Variants in THSD7A observed in about 807,000 individuals in gnomAD.
THSD7A encodes thrombospondin type 1 domain containing 7A.
A neutral mutation model predicts 231.3 loss-of-function variants in THSD7A; 96 were observed. The ratio of observed to expected loss-of-function variants is 0.41; its 90% CI spans 0.35 to 0.49. THSD7A has a LOEUF of 0.49. Among genes scored for constraint, THSD7A ranks in the 20% least tolerant of loss-of-function variants. THSD7A has a pLI of 0.05. For synonymous variants in THSD7A, 940 were observed against 743.3 expected, an observed-to-expected ratio of 1.26 and a Z score of -4.30; for missense variants, 2,290 against 2,070.2, an observed-to-expected ratio of 1.11 and a Z score of -2.06.
In THSD7A at chr7:11,831,789, G is replaced by A. The variant is rs1583326785; in HGVS notation, c.158C>T (p.Ala53Val). 3 of 1,476,546 alleles carry A rather than the reference G, an allele frequency of 2.0e-6. No homozygotes were observed. The highest frequency in any genetic ancestry group is 2.7e-5 in the East Asian group (1 of 36,670). The allele number at this position is 1,476,546 out of a possible 1,614,324, so 91.5% of individuals were successfully genotyped here. The change falls in exon 1 of 28, where the codon GCG becomes GTG. Residue 53 changes from alanine (A) to valine (V), a missense_variant. Transcript: ENST00000423059. This position sits in a 1 kb window ranked among gnomAD's most constrained non-coding sequence, Gnocchi z 5.0. Reference sequence around the variant, plus strand: ...CCACAGATAGAGGGTGGGCGCCTCCGCCTCGCCCTGCGCCGCAGCCCTGCC... The same window carrying A: ...CCACAGATAGAGGGTGGGCGCCTCCACCTCGCCCTGCGCCGCAGCCCTGCC... ...GAGRAAAQGE[A>V]EAPTLYLWKT...
intron 13 of THSD7A, among the ~76,000 whole-genome samples, chr7:11,430,155 A>T (rs545031282): frequency 6.6e-6 from 1 of 152,334 alleles, no homozygotes; most frequent in African/African-American, 2.4e-5. Flanking sequence ...TTTGACAATG[A>T]TTATAATGTA....
At chr7:11,737,468 C>G (rs780380433) in intron 1 of THSD7A, among the ~76,000 whole-genome samples, 18 of 151,962 alleles carry the variant, frequency 1.2e-4, no homozygotes, top group Non-Finnish European at 2.4e-4. Context: ...CATGCCTGTG[C>G]CCCGTCCTAG....
intron 2 of THSD7A, among the ~76,000 whole-genome samples, chr7:11,629,567 C>T (rs1781582182): frequency 6.6e-6 from 1 of 152,148 alleles, no homozygotes; most frequent in Non-Finnish European, 1.5e-5. Flanking sequence ...TTTCTCCTTT[C>T]TCTTTGGTAA....
At chr7:11,688,510 G>C (rs567276889) in intron 1 of THSD7A, among the ~76,000 whole-genome samples, 1 of 151,800 alleles carries the variant, frequency 6.6e-6, no homozygotes, top group African/African-American at 2.4e-5. Context: ...GGAACAAAAG[G>C]ATGTTGTCTT....
At chr7:11,461,010 G>A (rs1230850976) in intron 10 of THSD7A, among the ~76,000 whole-genome samples, 1 of 152,194 alleles carries the variant, frequency 6.6e-6, no homozygotes, top group Non-Finnish European at 1.5e-5. Context: ...GGACTCTACA[G>A]AGAACATTTA....
chr7:11,527,922 G>A (rs1053887427), intron 6 of THSD7A, among the ~76,000 whole-genome samples: 1 of 152,158 alleles, frequency 6.6e-6, no homozygotes, highest in Admixed American at 6.6e-5. Flanking sequence ...AGGAGGCCAA[G>A]TGGGAGGATT....
chr7:11,443,254 T>C (rs1337477335), intron 13 of THSD7A, among the ~76,000 whole-genome samples: 1 of 152,096 alleles, frequency 6.6e-6, no homozygotes, highest in Non-Finnish European at 1.5e-5. Flanking sequence ...CAAACACTTA[T>C]GTGCTGCATT....
intron 6 of THSD7A, among the ~76,000 whole-genome samples, chr7:11,517,255 T>C (rs895772146): frequency 6.6e-6 from 1 of 152,060 alleles, no homozygotes; most frequent in Admixed American, 6.6e-5. Flanking sequence ...AATTTTTGTA[T>C]TTTTAGTAGA....
At chr7:11,796,836 T>A (rs889261885) in intron 1 of THSD7A, among the ~76,000 whole-genome samples, 5 of 152,134 alleles carry the variant, frequency 3.3e-5, no homozygotes, top group Admixed American at 1.3e-4. Context: ...ATGTTAGTCA[T>A]TTACTATCCT....
At chr7:11,520,138 T>C (rs1243785673) in intron 6 of THSD7A, 2 of 152,212 alleles carry the variant, frequency 1.3e-5, no homozygotes, top group South Asian at 4.1e-4. Context: ...AATCTCTAAC[T>C]TTTGAAAATC....
At chr7:11,491,876 C>T (rs544722641) in intron 6 of THSD7A, among the ~76,000 whole-genome samples, 4 of 152,182 alleles carry the variant, frequency 2.6e-5, no homozygotes, top group Admixed American at 2.6e-4. Context: ...TTGCAACGCT[C>T]TTTTTGGGTG....
At chr7:11,462,588 A>G (rs1785547001) in intron 9 of THSD7A, among the ~76,000 whole-genome samples, 1 of 152,138 alleles carries the variant, frequency 6.6e-6, no homozygotes, top group African/African-American at 2.4e-5. Context: ...ATAATGTGAA[A>G]TTTTATTTCT....
rs1407464110 is a variant in THSD7A at position 11,598,857 on chromosome 7, A to G, written c.1023-5355T>C. On this transcript the variant is annotated intron_variant, in intron 2 of 27. Transcript: ENST00000423059. ...AGAGGTCTTAGTTCCAGAGACAGGA[A>G]TGCTGCCACCAGGAGACACAACAAT... 5.9e-5 allele frequency among the ~76,000 whole-genome samples: 9 copies of G among 152,146 alleles called. No individual in the cohort carries two copies. In the South Asian group the frequency reaches 1.7e-3, roughly 28 times the overall value.
chr7:11,739,120 T>C (rs1782017938), intron 1 of THSD7A, among the ~76,000 whole-genome samples: 1 of 152,018 alleles, frequency 6.6e-6, no homozygotes, highest in Admixed American at 6.6e-5. Context: ...AAAACAAACC[T>C]TGAAAGACAT....
intron 1 of THSD7A, among the ~76,000 whole-genome samples, chr7:11,811,543 C>T (rs538866662): frequency 6.6e-6 from 1 of 152,246 alleles, no homozygotes; most frequent in Admixed American, 6.5e-5. Context: ...ATTTTCATCT[C>T]CTTCATCATA....
intron 23 of THSD7A, among the ~76,000 whole-genome samples, chr7:11,398,111 C>T (rs1783259240): frequency 6.6e-6 from 1 of 152,102 alleles, no homozygotes; most frequent in African/African-American, 2.4e-5. Context: ...GCACTGTTCA[C>T]AATAGCGAAG....
chr7:11,401,194 G>A (rs540344058), intron 23 of THSD7A, among the ~76,000 whole-genome samples: 2 of 152,138 alleles, frequency 1.3e-5, no homozygotes, highest in African/African-American at 4.8e-5. Flanking sequence ...ATTGAAGATT[G>A]TTAGACTCCT....
chr7:11,777,414 TACACACACACACACAC>T (rs66487858), intron 1 of THSD7A, among the ~76,000 whole-genome samples: 2,723 of 147,186 alleles, frequency 0.019, 66 homozygotes, highest in East Asian at 0.1. Context: ...GTAAATTAAG[TACACACACACACACAC>T]ACACACACAC....
At chr7:11,709,008 A>C (rs1274616242) in intron 1 of THSD7A, among the ~76,000 whole-genome samples, 1 of 150,762 alleles carries the variant, frequency 6.6e-6, no homozygotes, top group African/African-American at 2.4e-5. Flanking sequence ...AAGGGAAGAC[A>C]TTGAATAACC....
Sources: gnomAD v4.1 joint callset for allele counts (sites outside exome capture counted in the v4.1 genomes callset) on GRCh38, gnomAD v4.1.1 for gene constraint, Gnocchi (gnomAD v3.1) non-coding constraint, MANE v1.5 for transcripts, NCBI Gene and HGNC (gene_info 2026-07-23, HGNC 2026-07-21) for gene names.